The following KIF24 variants were observed in gnomAD, a reference collection of about 807,000 sequenced individuals.
KIF24 encodes kinesin-like protein KIF24.
KIF24 carries 81 observed loss-of-function variants against 118.9 expected under a neutral mutation model. That is an observed-to-expected ratio of 0.68 (90% confidence interval 0.57 to 0.82). The LOEUF is 0.82. Among genes scored for constraint, KIF24 ranks in the 40% least tolerant of loss-of-function variants. The pLI, the probability that KIF24 is intolerant of heterozygous loss-of-function variation, is 0.00. For missense variants in KIF24, 1,560 were observed against 1,661.6 expected, an observed-to-expected ratio of 0.94 and a Z score of 1.06; for synonymous variants, 599 against 610.0, an observed-to-expected ratio of 0.98 and a Z score of 0.27.
In KIF24 at chr9:34,262,663, A is replaced by T. The variant is rs1396003331; in HGVS notation, c.1515+438T>A. Among the ~76,000 whole-genome samples the T allele has an allele frequency of 1.6e-3, 71 of 43,212 alleles. 2 individuals carry two copies. The highest frequency in any genetic ancestry group is 2.1e-3 in the Non-Finnish European group (47 of 22,762). The allele number at this position is 43,212 out of a possible 152,430, so 28.3% of individuals were successfully genotyped here. A position where few individuals can be genotyped will look rare whatever the true frequency, so the allele number is the denominator to read the frequency against. On this transcript the variant is annotated intron_variant, in intron 9 of 12. Coordinates refer to ENST00000402558, the MANE Select transcript of KIF24 (RefSeq NM_194313.4). ...CTCTACCAAAAAAAAAAAAAAAAAA[A>T]AAAAAAAAAAAAATATATATATATA...
At chr9:34,305,816 G>C (rs891392160) in intron 3 of KIF24, among the ~76,000 whole-genome samples, 3 of 151,988 alleles carry the variant, frequency 2.0e-5, no homozygotes, top group Non-Finnish European at 4.4e-5. Flanking sequence ...ATGGTGCCCA[G>C]GGTGGTCTCA....
upstream of KIF24, among the ~76,000 whole-genome samples, chr9:34,330,532 A>G (rs997706921): frequency 2.6e-5 from 4 of 152,266 alleles, no homozygotes; most frequent in Non-Finnish European, 5.9e-5. Context: ...TCACTTACCC[A>G]GACATCTCTG....
upstream of KIF24, among the ~76,000 whole-genome samples, chr9:34,330,110 G>T (rs570662815): frequency 9.2e-5 from 14 of 152,368 alleles, no homozygotes; most frequent in African/African-American, 3.4e-4. Context: ...AAGGGACAGC[G>T]TAAACAATGC....
In KIF24 at chr9:34,257,868, T is replaced by C. The variant is rs766197960; in HGVS notation, c.1739A>G (p.Glu580Gly). ...GACTTTTTTGGGAGAACATTTGTCCTCTGACAAAGCCCCAGGGGAGCTCTG... is the reference window on the plus strand; with the variant it reads ...GACTTTTTTGGGAGAACATTTGTCCCCTGACAAAGCCCCAGGGGAGCTCTG... ...RIQSSPGALS[E>G]DKCSPKKVKL... is the part of the protein sequence containing the mutation. Residue 580 changes from glutamate (E) to glycine (G), a missense_variant, in exon 11 of 13, where the codon GAG becomes GGG. Physicochemically the swap from Glu to Gly is moderately conservative, Grantham distance 98. Transcript: ENST00000402558. 1 of 1,614,010 alleles carries C rather than the reference T, an allele frequency of 6.2e-7. No homozygotes were observed. Among genetic ancestry groups the C allele is most frequent in the Middle Eastern group, 1.6e-4 (1 of 6,062 alleles).
intron 9 of KIF24, among the ~76,000 whole-genome samples, chr9:34,262,673 A>T (rs868073981): frequency 0.053 from 1,203 of 22,856 alleles, 25 homozygotes; most frequent in Middle Eastern, 0.079. Context: ...AAAAAAAAAA[A>T]AAATATATAT....
At chr9:34,296,578 A>G (rs1377524906) in intron 4 of KIF24, among the ~76,000 whole-genome samples, 1 of 152,100 alleles carries the variant, frequency 6.6e-6, no homozygotes, top group Non-Finnish European at 1.5e-5. Flanking sequence ...GATAAGTGAT[A>G]TTCACTTATC....
chr9:34,257,924 C>T lies in KIF24; in HGVS notation c.1683G>A (p.Arg561=), dbSNP rs746417831. 1.9e-6 allele frequency: 3 copies of T among 1,613,882 alleles called. No individual in the cohort carries two copies. Among genetic ancestry groups the T allele is most frequent in the Non-Finnish European group, 2.5e-6 (3 of 1,179,830 alleles). Residue 561 remains arginine (R), a synonymous_variant, in exon 11 of 13, where the codon CGG becomes CGA. Transcript: ENST00000402558. ...KCCTSVTSRN[R]TSGNSSPKRI... is the part of the protein sequence containing the mutation. The stretch of plus-strand genomic sequence containing the variant: ...GTTTTGGAGAGGAGTTTCCAGATGT[C>T]CGATTTCGACTGGTAACTGAAGTGC...
intron 1 of KIF24, among the ~76,000 whole-genome samples, chr9:34,317,797 G>C (rs1193870079): frequency 6.6e-6 from 1 of 152,040 alleles, no homozygotes; most frequent in African/African-American, 2.4e-5. Context: ...TAGTAATGTT[G>C]GCAATTCAGA....
chr9:34,294,308 T>C (rs1836375151), intron 4 of KIF24, among the ~76,000 whole-genome samples: 1 of 152,094 alleles, frequency 6.6e-6, no homozygotes, highest in Non-Finnish European at 1.5e-5. Flanking sequence ...CATTTCTAGG[T>C]TGTTACCCAA....
chr9:34,291,324 A>T (rs750927799), intron 4 of KIF24, among the ~76,000 whole-genome samples: 15 of 152,234 alleles, frequency 9.9e-5, no homozygotes, highest in Non-Finnish European at 1.5e-4. Flanking sequence ...AGATGGCAGC[A>T]GGCACACCAA....
intron 2 of KIF24, among the ~76,000 whole-genome samples, chr9:34,308,651 T>C (rs1489804384): frequency 6.6e-6 from 1 of 152,206 alleles, no homozygotes; most frequent in Non-Finnish European, 1.5e-5. Context: ...AACCTAATCA[T>C]ATAAAGCTGA....
chr9:34,265,648 A>G (rs1835257175), intron 8 of KIF24, among the ~76,000 whole-genome samples: 1 of 152,170 alleles, frequency 6.6e-6, no homozygotes, highest in African/African-American at 2.4e-5. Flanking sequence ...TTAGTGGGAT[A>G]CAACCCAATT....
chr9:34,271,690 C>G, intron 7 of KIF24, 119 bp downstream of exon 7: 1 of 1,035,290 alleles, frequency 9.7e-7, no homozygotes, highest in East Asian at 2.6e-5. Context: ...CAACTCTACT[C>G]TGTATCCCTG....
Position 34,306,239 on chromosome 9 carries a change from G to A in KIF24, c.813+13C>T, listed in dbSNP as rs368077123. On this transcript the variant is annotated intron_variant, in intron 3 of 12. Coordinates refer to ENST00000402558, the MANE Select transcript of KIF24 (RefSeq NM_194313.4). The stretch of plus-strand genomic sequence containing the variant: ...ATAATATTAGTTCCAAACATAAAAC[G>A]AAAACATCATACCTGCAGAATATAT... 375 of 1,535,430 alleles carry A rather than the reference G, an allele frequency of 2.4e-4. No individual in the cohort carries two copies. Among genetic ancestry groups the A allele is most frequent in the Non-Finnish European group, 3.0e-4 (343 of 1,135,014 alleles).
chr9:34,278,567 C>G (rs1295627386), intron 6 of KIF24, among the ~76,000 whole-genome samples: 1 of 92,144 alleles, frequency 1.1e-5, no homozygotes, highest in African/African-American at 4.4e-5. Context: ...CTCCCTAGAG[C>G]AAACCAAAAA....
At chr9:34,303,076 A>AT (rs960757455) in intron 3 of KIF24, among the ~76,000 whole-genome samples, 133 of 146,660 alleles carry the variant, frequency 9.1e-4, no homozygotes, top group Middle Eastern at 3.5e-3. Flanking sequence ...GCCCAGCCTA[A>AT]TTTTTTTTTT....
intron 5 of KIF24, among the ~76,000 whole-genome samples, chr9:34,287,069 A>T (rs1325321648): frequency 2.6e-4 from 39 of 152,174 alleles, no homozygotes; most frequent in Non-Finnish European, 8.8e-5. Context: ...TGCCTGGTGA[A>T]GTGATGCTCT....
At chr9:34,295,127 GTAGA>G (rs1563952453) in intron 4 of KIF24, among the ~76,000 whole-genome samples, 1 of 48,536 alleles carries the variant, frequency 2.1e-5, no homozygotes, top group East Asian at 4.2e-4. Flanking sequence ...AGATAGGTAG[GTAGA>G]TAGGTAGGTA....
In KIF24 at chr9:34,256,605, C is replaced by T. The variant is rs1563932238; in HGVS notation, c.3002G>A (p.Arg1001Lys). 1 of 1,613,976 alleles carries T rather than the reference C, an allele frequency of 6.2e-7. No individual in the cohort carries two copies. Among genetic ancestry groups the T allele is most frequent in the Non-Finnish European group, 8.5e-7 (1 of 1,179,896 alleles). ...TCTCAGAGGTGTGGTGACTGTGTCT[C>T]TTTGGTCTGGGGATCCAGGAACTGC... ...HVAVPGSPDQRDTVTTPLREV... is the reference protein window; with the variant it reads ...HVAVPGSPDQKDTVTTPLREV... Residue 1001 changes from arginine (R) to lysine (K), a missense_variant, in exon 11 of 13, where the codon AGA becomes AAA. Arg to Lys is a conservative substitution (Grantham distance 26). This residue lies in a region of KIF24 where 591 missense variants were observed against 655.6 expected (regional missense o/e 0.90). Coordinates refer to ENST00000402558, the MANE Select transcript of KIF24 (RefSeq NM_194313.4).
Sources: gnomAD v4.1 joint callset for allele counts (sites outside exome capture counted in the v4.1 genomes callset) on GRCh38, gnomAD v4.1.1 for gene constraint, gnomAD v4.1.1 regional missense constraint, MANE v1.5 for transcripts, NCBI Gene and HGNC (gene_info 2026-07-23, HGNC 2026-07-21) for gene names.